Variants in CYTIP observed in about 807,000 individuals in gnomAD.
CYTIP encodes the protein cytohesin 1 interacting protein.
Under a neutral mutation model 43.8 loss-of-function variants are expected in CYTIP, and 26 were observed. The observed-to-expected ratio is 0.59, with a 90% CI of 0.44 to 0.82. The LOEUF (loss-of-function observed/expected upper bound fraction) is 0.82. Among genes scored for constraint, CYTIP ranks in the 40% least tolerant of loss-of-function variants. The pLI is 0.00. For synonymous variants in CYTIP, 162 were observed against 162.9 expected, an observed-to-expected ratio of 0.99 and a Z score of 0.04; for missense variants, 426 against 443.1, an observed-to-expected ratio of 0.96 and a Z score of 0.35.
In CYTIP at chr2:157,416,149, G is replaced by A; in HGVS notation, c.614-6C>T. 1 of 1,595,272 alleles carries A rather than the reference G, an allele frequency of 6.3e-7. No individual in the cohort carries two copies. The highest frequency in any genetic ancestry group is 8.5e-7 in the Non-Finnish European group (1 of 1,170,262). ...GGGGCAATTAGCTGCATCACCTAGA[G>A]CACAAAGTCTACTGTGAAATGGATC... On this transcript the variant is annotated splice_region_variant and splice_polypyrimidine_tract_variant and intron_variant, in intron 7 of 7. Coordinates refer to ENST00000264192, the MANE Select transcript of CYTIP (RefSeq NM_004288.5).
intron 1 of CYTIP, among the ~76,000 whole-genome samples, chr2:157,437,117 A>C (rs1184046874): frequency 1.3e-5 from 2 of 152,192 alleles, no homozygotes; most frequent in Non-Finnish European, 2.9e-5. Flanking sequence ...AAACTACTGG[A>C]ATAAAACATA....
chr2:157,422,252 AG>A (rs1350044308), intron 6 of CYTIP, among the ~76,000 whole-genome samples: 4 of 152,242 alleles, frequency 2.6e-5, no homozygotes, highest in Admixed American at 2.6e-4. Flanking sequence ...CTGAAGGGAG[AG>A]GCTATATGCC....
chr2:157,435,403 G>C (rs1159207953), intron 1 of CYTIP, among the ~76,000 whole-genome samples: 1 of 152,142 alleles, frequency 6.6e-6, no homozygotes, highest in Non-Finnish European at 1.5e-5. Flanking sequence ...TTTTGTAATA[G>C]TTTTGGAAGA....
intron 3 of CYTIP, 148 bp from the exon 4 acceptor site, chr2:157,431,110 C>T (rs1277273807): frequency 1.6e-6 from 1 of 622,464 alleles, no homozygotes; most frequent in Non-Finnish European, 2.7e-6. Context: ...ATCAAGGTAT[C>T]AATTTTGCAA....
At chr2:157,422,670 C>T (rs966338328) in intron 6 of CYTIP, among the ~76,000 whole-genome samples, 1 of 64,548 alleles carries the variant, frequency 1.5e-5, no homozygotes, top group Non-Finnish European at 3.2e-5. Context: ...AACTCTGTCT[C>T]AAAAAAAAAA....
intron 1 of CYTIP, among the ~76,000 whole-genome samples, chr2:157,436,690 A>G (rs1229676839): frequency 6.6e-6 from 1 of 152,102 alleles, no homozygotes; most frequent in Non-Finnish European, 1.5e-5. Context: ...CTCTTGGGGA[A>G]TGTTATTTGT....
intron 6 of CYTIP, among the ~76,000 whole-genome samples, chr2:157,420,648 CA>C (rs1199573392): frequency 9.1e-5 from 5 of 55,054 alleles, no homozygotes; most frequent in African/African-American, 3.5e-4. Flanking sequence ...AAGACCCTGC[CA>C]CAAAAAAAAA....
intron 6 of CYTIP, 38 bp from the exon 7 acceptor site, chr2:157,418,627 T>C: frequency 2.0e-6 from 3 of 1,506,894 alleles, no homozygotes; most frequent in Non-Finnish European, 2.7e-6. Context: ...GTTTTTATTA[T>C]TAGGAAACCC....
chr2:157,424,516 G>GATAT (rs34953634), intron 6 of CYTIP, among the ~76,000 whole-genome samples: 2 of 150,158 alleles, frequency 1.3e-5, no homozygotes, highest in East Asian at 1.9e-4. Flanking sequence ...TCCTCAAATT[G>GATAT]ATATATATAT....
intron 6 of CYTIP, among the ~76,000 whole-genome samples, chr2:157,423,985 G>C (rs1685562846): frequency 6.6e-6 from 1 of 152,046 alleles, no homozygotes. Flanking sequence ...CGTATAGAAG[G>C]GAGTCTCCTT....
At chr2:157,428,948 G>C (rs182177320) in intron 5 of CYTIP, among the ~76,000 whole-genome samples, 1 of 152,174 alleles carries the variant, frequency 6.6e-6, no homozygotes, top group Non-Finnish European at 1.5e-5. Context: ...ACAGATCCTG[G>C]CATCCAGAGC....
At position 157,416,002 on chromosome 2, in the gene CYTIP, G is replaced by A; in HGVS notation, c.755C>T (p.Ser252Phe). The A allele has an allele frequency of 1.2e-6, 2 of 1,614,204 alleles. No individual in the cohort carries two copies. The highest frequency in any genetic ancestry group is 1.7e-6 in the Non-Finnish European group (2 of 1,180,036). Residue 252 changes from serine (S) to phenylalanine (F), a missense_variant, in exon 8 of 8, where the codon TCC becomes TTC. Physicochemically the swap from Ser to Phe is radical, Grantham distance 155. Coordinates refer to ENST00000264192, the MANE Select transcript of CYTIP (RefSeq NM_004288.5). ...GCCATCTTCACTGTCCATCGTCATGGAGCTCAGCCAGCTCTTACAGCTGCT... is the reference window on the plus strand; with the variant it reads ...GCCATCTTCACTGTCCATCGTCATGAAGCTCAGCCAGCTCTTACAGCTGCT... ...SESSCKSWLS[S>F]MTMDSEDGYQ... is the part of the protein sequence containing the mutation.
At chr2:157,430,059 G>A (rs1189235191) in intron 5 of CYTIP, among the ~76,000 whole-genome samples, 3 of 151,182 alleles carry the variant, frequency 2.0e-5, no homozygotes, top group Non-Finnish European at 4.4e-5. Context: ...TGGAACATTT[G>A]GAACATGTGG....
intron 5 of CYTIP, among the ~76,000 whole-genome samples, chr2:157,428,425 T>C (rs1235278740): frequency 2.0e-5 from 3 of 152,244 alleles, no homozygotes; most frequent in African/African-American, 7.2e-5. Context: ...TGTTTTCTCC[T>C]TAAGGTGATC....
chr2:157,419,048 C>T (rs1573853478), intron 6 of CYTIP, among the ~76,000 whole-genome samples: 2 of 152,152 alleles, frequency 1.3e-5, no homozygotes, highest in East Asian at 3.8e-4. Context: ...TAATGCTCTA[C>T]AAATATCACC....
chr2:157,434,851 A>T (rs113623090), intron 1 of CYTIP, 104 bp from the exon 2 acceptor site: 1,965 of 192,626 alleles, frequency 0.01, 6 homozygotes, highest in African/African-American at 0.035. Flanking sequence ...TCTCTCTCTC[A>T]CACACACACA....
At position 157,435,179 on chromosome 2, in the gene CYTIP, A is replaced by G. The variant is rs369777505; in HGVS notation, c.175-432T>C. Among the ~76,000 whole-genome samples the G allele has an allele frequency of 4.4e-4, 67 of 152,332 alleles. 2 individuals carry two copies. In the South Asian group the frequency reaches 0.014, roughly 32 times the overall value. On this transcript the variant is annotated intron_variant, in intron 1 of 7. Coordinates refer to ENST00000264192, the MANE Select transcript of CYTIP (RefSeq NM_004288.5). ...ATTAACCATAGCAATTTGTAATCAC[A>G]CTGAAATCCAAAGAAAAATAGCATA... is the stretch of plus-strand genomic sequence containing the variant.
chr2:157,434,839 TCTCTCTCTCTCACACACACACA>T lies in CYTIP; in HGVS notation c.175-114_175-93del, dbSNP rs1364417340. ...CTCTCTCTCTCTCTCTCTCTCTCTC[TCTCTCTCTCTCACACACACACA>T]CACACACACACACACACACACACAC... On this transcript the variant is annotated intron_variant, in intron 1 of 7. Transcript: ENST00000264192. The T allele has an allele frequency of 2.5e-5, 12 of 470,966 alleles. No homozygotes were observed. In the East Asian group the frequency reaches 3.7e-4, roughly 15 times the overall value. 29.2% of individuals were successfully genotyped at this position (470,966 alleles called of 1,614,324 possible). A position where few individuals can be genotyped will look rare whatever the true frequency, so the allele number is the denominator to read the frequency against.
At chr2:157,430,756 C>G in intron 4 of CYTIP, 104 bp from the exon 5 acceptor site, 1 of 1,452,400 alleles carries the variant, frequency 6.9e-7, no homozygotes, top group South Asian at 1.2e-5. Context: ...CATAAAGGAG[C>G]CAAGAAAACT....
Sources: gnomAD v4.1 joint callset for allele counts (sites outside exome capture counted in the v4.1 genomes callset) on GRCh38, gnomAD v4.1.1 for gene constraint, MANE v1.5 for transcripts, NCBI Gene and HGNC (gene_info 2026-07-23, HGNC 2026-07-21) for gene names.